DAB1: variants seen among roughly 807,000 people sequenced by gnomAD.
The protein encoded by DAB1 is DAB adaptor protein 1.
In DAB1, 15 loss-of-function variants were observed where a neutral mutation model predicts 64.6. The observed-to-expected ratio is 0.23, with a 90% CI of 0.16 to 0.36. The LOEUF is 0.36. Among genes scored for constraint, DAB1 ranks in the 10% least tolerant of loss-of-function variants. The pLI is 1.00. For missense variants in DAB1, 596 were observed against 706.7 expected (o/e 0.84, Z 1.78); for synonymous variants, 235 against 251.9 (o/e 0.93, Z 0.64).
At chr1:58,373,216 CA>C in intron 3 of DAB1, among the ~76,000 whole-genome samples, 1 of 148,344 alleles carries the variant, frequency 6.7e-6, no homozygotes, top group Non-Finnish European at 1.5e-5. Context: ...TACATGTGCA[CA>C]TTGTGCAGGT....
intron 2 of DAB1, among the ~76,000 whole-genome samples, chr1:57,171,454 T>C (rs970372769): frequency 6.6e-6 from 1 of 152,186 alleles, no homozygotes; most frequent in Non-Finnish European, 1.5e-5. Flanking sequence ...GAGAAACAAG[T>C]GGCCTAGAAG....
At chr1:58,256,306 G>C (rs559965638) in intron 4 of DAB1, among the ~76,000 whole-genome samples, 9 of 152,282 alleles carry the variant, frequency 5.9e-5, no homozygotes, top group Non-Finnish European at 1.0e-4. Context: ...TGTGAGTACC[G>C]AAGCCGGTGT....
intron 2 of DAB1, among the ~76,000 whole-genome samples, chr1:58,510,156 A>C (rs564091927): frequency 1.7e-4 from 26 of 152,158 alleles, no homozygotes; most frequent in Non-Finnish European, 2.8e-4. Flanking sequence ...CATTACCCTG[A>C]TACCTATGCC....
intron 1 of DAB1, among the ~76,000 whole-genome samples, chr1:57,870,060 C>A (rs1039567906): frequency 6.6e-6 from 1 of 152,116 alleles, no homozygotes; most frequent in Non-Finnish European, 1.5e-5. Context: ...TGGAAAAATA[C>A]TTACCCTCTC....
At position 58,170,598 on chromosome 1, in the gene DAB1, G is replaced by A. The variant is rs141020607; in HGVS notation, n.310-20010C>T. Among the ~76,000 whole-genome samples, 136 of 152,290 alleles carry A rather than the reference G, an allele frequency of 8.9e-4. 6 individuals are homozygous for A. The East Asian group carries it at 0.021, about 24-fold the overall frequency. The stretch of plus-strand genomic sequence containing the variant: ...ACCCCAGCCTTTGTCATGGCCCTCA[G>A]ACAAACAAACCTTGGTGGTTCAGAG... On this transcript the variant is annotated intron_variant and non_coding_transcript_variant, in intron 4 of 20. Coordinates refer to the DAB1 transcript ENST00000485760.
chr1:57,344,946 C>T (rs1557223), intron 1 of DAB1, among the ~76,000 whole-genome samples: 3,254 of 152,282 alleles, frequency 0.021, 44 homozygotes, highest in South Asian at 0.052. Context: ...AGCCAGTCAA[C>T]ATTGCTGTTG....
chr1:58,239,335 T>A (rs1450106302), intron 4 of DAB1, among the ~76,000 whole-genome samples: 1 of 152,232 alleles, frequency 6.6e-6, no homozygotes, highest in Admixed American at 6.5e-5. Context: ...ATGCACGTTT[T>A]CATGTTTATC....
intron 1 of DAB1, among the ~76,000 whole-genome samples, chr1:58,540,155 G>A (rs1646584044): frequency 6.6e-6 from 1 of 152,048 alleles, no homozygotes; most frequent in East Asian, 1.9e-4. Flanking sequence ...AGAGTACTCA[G>A]AAGGGTTTTG....
chr1:58,061,114 C>A (rs1281408892), intron 5 of DAB1, among the ~76,000 whole-genome samples: 1 of 152,090 alleles, frequency 6.6e-6, no homozygotes, highest in Non-Finnish European at 1.5e-5. Context: ...CTCACTGACC[C>A]CACTCTTTCA....
chr1:58,282,824 C>A (rs759407997), intron 4 of DAB1, among the ~76,000 whole-genome samples: 13 of 152,146 alleles, frequency 8.5e-5, no homozygotes, highest in Non-Finnish European at 1.9e-4. Context: ...GAAGAGGGAG[C>A]GACTGCTCCC....
intron 2 of DAB1, among the ~76,000 whole-genome samples, chr1:57,274,845 G>C (rs1289570606): frequency 6.6e-6 from 1 of 151,558 alleles, no homozygotes; most frequent in Admixed American, 6.6e-5. Flanking sequence ...GCCTCCCAAA[G>C]AGCTGGGATT....
chr1:58,151,780 A>G (rs1204883791), intron 4 of DAB1, among the ~76,000 whole-genome samples: 2 of 152,196 alleles, frequency 1.3e-5, no homozygotes, highest in African/African-American at 4.8e-5. Flanking sequence ...CTTTCCCTGG[A>G]GAGTTAATTC....
chr1:57,808,198 C>CACACACAA (rs1491348061), intron 6 of DAB1, among the ~76,000 whole-genome samples: 8 of 15,952 alleles, frequency 5.0e-4, no homozygotes, highest in Non-Finnish European at 6.9e-4. Flanking sequence ...CATGCACATG[C>CACACACAA]ACACACACAC....
intron 5 of DAB1, among the ~76,000 whole-genome samples, chr1:58,020,127 T>C (rs1305973683): frequency 1.3e-5 from 2 of 152,220 alleles, no homozygotes; most frequent in African/African-American, 4.8e-5. Flanking sequence ...GCATTAAGAC[T>C]TCTGTATAAT....
intron 5 of DAB1, among the ~76,000 whole-genome samples, chr1:58,104,014 C>T (rs1203222558): frequency 6.6e-6 from 1 of 152,200 alleles, no homozygotes; most frequent in African/African-American, 2.4e-5. Context: ...GAAGAATCAG[C>T]TTCTGCTCCA....
intron 1 of DAB1, among the ~76,000 whole-genome samples, chr1:57,328,363 C>G (rs951436002): frequency 6.6e-6 from 1 of 152,118 alleles, no homozygotes; most frequent in African/African-American, 2.4e-5. Context: ...GTGCTATACT[C>G]AAAGAACCCT....
At chr1:57,984,782 T>C (rs1327494199) in intron 5 of DAB1, among the ~76,000 whole-genome samples, 1 of 152,214 alleles carries the variant, frequency 6.6e-6, no homozygotes, top group Non-Finnish European at 1.5e-5. Context: ...TTCTGTTTCT[T>C]TTCTTCCCAA....
chr1:57,337,888 T>TCCCC (rs1677219291), intron 1 of DAB1, among the ~76,000 whole-genome samples: 1 of 68,496 alleles, frequency 1.5e-5, no homozygotes, highest in African/African-American at 4.8e-5. Context: ...CTCCCTTCCC[T>TCCCC]TCCCTTCCCT....
At chr1:57,204,050 T>C (rs1321762313) in intron 2 of DAB1, among the ~76,000 whole-genome samples, 1 of 152,000 alleles carries the variant, frequency 6.6e-6, no homozygotes, top group African/African-American at 2.4e-5. Flanking sequence ...CCACCTCTCC[T>C]GGCTAATTTT....
Sources: allele counts gnomAD v4.1 joint callset (sites outside exome capture counted in the v4.1 genomes callset), GRCh38; gene constraint gnomAD v4.1.1; transcripts MANE v1.5; gene names NCBI Gene and HGNC (gene_info 2026-07-23, HGNC 2026-07-21).